The following TTC39B variants were observed in gnomAD, a reference collection of about 807,000 sequenced individuals.
TTC39B encodes the protein tetratricopeptide repeat domain 39B.
A neutral mutation model predicts 96.6 loss-of-function variants in TTC39B; 92 were observed. The observed-to-expected ratio is 0.95, with a 90% CI of 0.80 to 1.13. The LOEUF (loss-of-function observed/expected upper bound fraction) is 1.13. Among genes scored for constraint, TTC39B ranks in the 50% most tolerant of loss-of-function variants. The pLI, the probability that TTC39B is intolerant of heterozygous loss-of-function variation, is 0.00. For missense variants in TTC39B, 955 were observed against 809.3 expected, an observed-to-expected ratio of 1.18 and a Z score of -2.18; for synonymous variants, 367 against 299.4, an observed-to-expected ratio of 1.23 and a Z score of -2.33.
intron 1 of TTC39B, among the ~76,000 whole-genome samples, chr9:15,280,240 T>C (rs60971899): frequency 0.12 from 17,518 of 152,116 alleles, 1,499 homozygotes; most frequent in African/African-American, 0.24. Flanking sequence ...ACTCAATCAA[T>C]TGACATATTG....
chr9:15,287,331 A>G (rs1749066309), intron 1 of TTC39B, among the ~76,000 whole-genome samples: 1 of 152,248 alleles, frequency 6.6e-6, no homozygotes, highest in African/African-American at 2.4e-5. Flanking sequence ...TCAATCTGAA[A>G]ATAAAGAACT....
chr9:15,198,125 T>C lies in TTC39B; in HGVS notation c.824+1736A>G, dbSNP rs529064904. Reference sequence around the variant, plus strand: ...AAAGAGAAAGTCTGACACCGCATTGTAGGGTTTAAAATATATGTAAATCTG... The same window carrying C: ...AAAGAGAAAGTCTGACACCGCATTGCAGGGTTTAAAATATATGTAAATCTG... On this transcript the variant is annotated intron_variant, in intron 8 of 19. Transcript: ENST00000512701. 1.6e-4 allele frequency among the ~76,000 whole-genome samples: 24 copies of C among 152,218 alleles called. No individual in the cohort carries two copies. The East Asian group carries it at 4.4e-3, about 28-fold the overall frequency.
intron 2 of TTC39B, among the ~76,000 whole-genome samples, chr9:15,245,054 T>A (rs1822214049): frequency 6.6e-6 from 1 of 152,236 alleles, no homozygotes; most frequent in Non-Finnish European, 1.5e-5. Context: ...GGTCTACTTT[T>A]CAATTACAGT....
intron 3 of TTC39B, among the ~76,000 whole-genome samples, chr9:15,222,052 G>GT (rs1820872851): frequency 6.6e-6 from 1 of 152,216 alleles, no homozygotes; most frequent in Admixed American, 6.5e-5. Flanking sequence ...CGTAAGTACA[G>GT]TCAGAAGGTG....
At chr9:15,264,514 C>T (rs751871097) in intron 2 of TTC39B, among the ~76,000 whole-genome samples, 11 of 151,680 alleles carry the variant, frequency 7.3e-5, no homozygotes, top group African/African-American at 1.5e-4. Context: ...ATTAGCTGGA[C>T]GTAGTTGGCA....
At chr9:15,214,115 T>C (rs1820361349) in intron 4 of TTC39B, 24 bp downstream of exon 4, 1 of 1,531,960 alleles carries the variant, frequency 6.5e-7, no homozygotes, top group Non-Finnish European at 9.0e-7. Context: ...AGATATTTTA[T>C]CTAAAAGAGA....
chr9:15,174,583 G>T (rs1220877166), intron 19 of TTC39B, among the ~76,000 whole-genome samples: 2 of 152,260 alleles, frequency 1.3e-5, no homozygotes, highest in East Asian at 1.9e-4. Context: ...TACAATGAAG[G>T]TTGGCAAACT....
chr9:15,300,680 G>T (rs1824551372), intron 1 of TTC39B, among the ~76,000 whole-genome samples: 1 of 152,158 alleles, frequency 6.6e-6, no homozygotes, highest in Admixed American at 6.5e-5. Flanking sequence ...GAGGTCAGGA[G>T]TTCGAAAGCA....
chr9:15,290,971 G>C (rs1466082858), intron 1 of TTC39B, among the ~76,000 whole-genome samples: 4 of 152,192 alleles, frequency 2.6e-5, no homozygotes, highest in Non-Finnish European at 5.9e-5. Context: ...GTAATGCAAA[G>C]CACACCTTAA....
At chr9:15,197,246 TA>T (rs2131290343) in intron 8 of TTC39B, among the ~76,000 whole-genome samples, 1 of 152,358 alleles carries the variant, frequency 6.6e-6, no homozygotes, top group East Asian at 1.9e-4. Context: ...TCTACAGTCC[TA>T]TTTTAATCCT....
At chr9:15,188,887 T>C (rs1367422573) in intron 13 of TTC39B, among the ~76,000 whole-genome samples, 4 of 152,124 alleles carry the variant, frequency 2.6e-5, no homozygotes, top group African/African-American at 9.7e-5. Context: ...GAAATATACA[T>C]ACAATGATGT....
intron 1 of TTC39B, among the ~76,000 whole-genome samples, chr9:15,289,192 G>A (rs542356162): frequency 1.3e-5 from 2 of 151,832 alleles, no homozygotes; most frequent in African/African-American, 4.8e-5. Flanking sequence ...TACCAGTGTT[G>A]GTATTTTAAA....
At position 15,195,670 on chromosome 9, in the gene TTC39B, C is replaced by CAAA. The variant is rs35318510; in HGVS notation, c.825-2978_825-2976dup. Among the ~76,000 whole-genome samples the CAAA allele has an allele frequency of 1.5e-3, 102 of 66,150 alleles. 1 individual carries two copies. The highest frequency in any genetic ancestry group is 2.0e-3 in the Non-Finnish European group (71 of 36,038). 43.4% of individuals were successfully genotyped at this position (66,150 alleles called of 152,430 possible). ...GGGTGACAAAGGGAGACTCCATCTC[C>CAAA]AAAAAAAAAAAAAAAAAAAAAAAGT... On this transcript the variant is annotated intron_variant, in intron 8 of 19. Coordinates refer to ENST00000512701, the Ensembl canonical transcript of TTC39B.
At chr9:15,177,806 T>C in exon 18 of TTC39B, 2 of 1,592,702 alleles carry the variant, frequency 1.3e-6, no homozygotes, top group Non-Finnish European at 1.7e-6. Flanking sequence ...ACAGAGAAGC[T>C]GTTAAAATCT....
chr9:15,225,857 C>T, intron 3 of TTC39B, 60 bp downstream of exon 3: 1 of 1,478,704 alleles, frequency 6.8e-7, no homozygotes. Flanking sequence ...GTATTATATT[C>T]CTTCAAGGGT....
chr9:15,296,564 G>A (rs192028615), intron 1 of TTC39B, among the ~76,000 whole-genome samples: 101 of 152,060 alleles, frequency 6.6e-4, no homozygotes, highest in African/African-American at 2.1e-3. Flanking sequence ...GCTCAATCTC[G>A]GCTCACTGCA....
intron 4 of TTC39B, among the ~76,000 whole-genome samples, chr9:15,212,267 A>G (rs999418795): frequency 6.6e-6 from 1 of 152,146 alleles, no homozygotes; most frequent in East Asian, 1.9e-4. Context: ...CTTGTCCTGA[A>G]CATTGAGGGC....
At chr9:15,183,513 G>A in intron 16 of TTC39B, 1 of 334,630 alleles carries the variant, frequency 3.0e-6, no homozygotes, top group Non-Finnish European at 5.7e-6. Flanking sequence ...CCAATTTCCT[G>A]TACATTCTAC....
At chr9:15,307,041 C>T (rs1824774689) in intron 1 of TTC39B, 43 bp downstream of exon 1, 1 of 1,598,052 alleles carries the variant, frequency 6.3e-7, no homozygotes, top group Non-Finnish European at 8.5e-7. Flanking sequence ...GACTCCTGTC[C>T]AGGGCTTCAG....
Sources: gnomAD v4.1 joint callset for allele counts (sites outside exome capture counted in the v4.1 genomes callset) on GRCh38, gnomAD v4.1.1 for gene constraint, MANE v1.5 for transcripts, NCBI Gene and HGNC (gene_info 2026-07-23, HGNC 2026-07-21) for gene names.